The following PLEKHF2 variants were observed in gnomAD, a reference collection of about 807,000 sequenced individuals.
PLEKHF2 encodes pleckstrin homology domain-containing family F member 2.
In PLEKHF2, 4 loss-of-function variants were observed where a neutral mutation model predicts 14.7. The ratio of observed to expected loss-of-function variants is 0.27; its 90% confidence interval spans 0.13 to 0.62. The LOEUF (loss-of-function observed/expected upper bound fraction) is 0.62. Ranked by LOEUF, PLEKHF2 falls within the 20% of genes least tolerant of loss-of-function variation. The pLI, the probability that PLEKHF2 is intolerant of heterozygous loss-of-function variation, is 0.85. For synonymous variants in PLEKHF2, 90 were observed against 103.5 expected, an observed-to-expected ratio of 0.87 and a Z score of 0.79; for missense variants, 201 against 307.7, an observed-to-expected ratio of 0.65 and a Z score of 2.60.
At chr8:95,140,003 T>G (rs1171921244) in intron 1 of PLEKHF2, among the ~76,000 whole-genome samples, 2 of 152,114 alleles carry the variant, frequency 1.3e-5, no homozygotes, top group Non-Finnish European at 2.9e-5. Context: ...AGTCCTCTGC[T>G]CTCGTTTTTC....
intron 1 of PLEKHF2, among the ~76,000 whole-genome samples, chr8:95,145,581 G>A (rs144823663): frequency 1.6e-4 from 25 of 151,764 alleles, no homozygotes; most frequent in Non-Finnish European, 3.2e-4. Context: ...CCACCACCAC[G>A]CCTGGCTAAT....
At chr8:95,153,929 C>G in intron 1 of PLEKHF2, 102 bp from the exon 2 acceptor site, 3 of 910,120 alleles carry the variant, frequency 3.3e-6, no homozygotes, top group Non-Finnish European at 4.5e-6. Flanking sequence ...GAACATTTTG[C>G]CTTTGTGTAA....
At position 95,154,872 on chromosome 8, in the gene PLEKHF2, T is replaced by C. The variant is rs1038537112; in HGVS notation, c.*78T>C. 6.5e-5 allele frequency: 87 copies of C among 1,345,848 alleles called. No individual in the cohort carries two copies. Among genetic ancestry groups the C allele is most frequent in the Non-Finnish European group, 8.6e-5 (86 of 996,598 alleles). The allele number at this position is 1,345,848 out of a possible 1,614,324, so 83.4% of individuals were successfully genotyped here. ...GGGGGAAATGTAAGATTCTGAGCTC[T>C]CTCTCTGTTTTGTTCTAGCCATGAA... is the stretch of plus-strand genomic sequence containing the variant. On this transcript the variant is annotated 3_prime_UTR_variant, in exon 2 of 2. Coordinates refer to ENST00000315367, the MANE Select transcript of PLEKHF2 (RefSeq NM_024613.4). The surrounding 1 kb of genome is among the most constrained non-coding windows in gnomAD (Gnocchi z 5.6).
intron 1 of PLEKHF2, among the ~76,000 whole-genome samples, chr8:95,147,013 T>A (rs1421312809): frequency 6.6e-6 from 1 of 152,040 alleles, no homozygotes; most frequent in Non-Finnish European, 1.5e-5. Context: ...TGTAACTATC[T>A]TACAGAAGAA....
intron 1 of PLEKHF2, among the ~76,000 whole-genome samples, chr8:95,145,224 A>G (rs10104137): frequency 6.6e-6 from 1 of 152,130 alleles, no homozygotes; most frequent in Non-Finnish European, 1.5e-5. Flanking sequence ...GTTTTAATAC[A>G]TTTAAAATTA....
At chr8:95,152,059 AAT>A (rs1284264041) in intron 1 of PLEKHF2, among the ~76,000 whole-genome samples, 1 of 152,120 alleles carries the variant, frequency 6.6e-6, no homozygotes, top group Non-Finnish European at 1.5e-5. Context: ...GTTGCACATA[AAT>A]ATGTCTTAAA....
chr8:95,151,241 A>AC (rs1810559698), intron 1 of PLEKHF2, among the ~76,000 whole-genome samples: 1 of 152,274 alleles, frequency 6.6e-6, no homozygotes, highest in Admixed American at 6.5e-5. Context: ...AATTTATGAT[A>AC]GTATTAATTC....
At chr8:95,143,571 G>A (rs1309715770) in intron 1 of PLEKHF2, among the ~76,000 whole-genome samples, 1 of 152,184 alleles carries the variant, frequency 6.6e-6, no homozygotes, top group Admixed American at 6.5e-5. Flanking sequence ...TGAGGCTATC[G>A]AACTGAGTGT....
Position 95,156,165 on chromosome 8 carries a change from T to A in PLEKHF2, c.*1371T>A, listed in dbSNP as rs575067345. 1 of 167,200 alleles carries A rather than the reference T, an allele frequency of 6.0e-6. No individual in the cohort carries two copies. The highest frequency in any genetic ancestry group is 2.4e-5 in the African/African-American group (1 of 41,588). 10.4% of individuals were successfully genotyped at this position (167,200 alleles called of 1,614,324 possible). On this transcript the variant is annotated 3_prime_UTR_variant, in exon 2 of 2. Coordinates refer to ENST00000315367, the MANE Select transcript of PLEKHF2 (RefSeq NM_024613.4). Reference sequence around the variant, plus strand: ...TGCACTACTCTTTCCATTTATATGCTGCAAACAACTACAGTCTTTGAAATA... The same window carrying A: ...TGCACTACTCTTTCCATTTATATGCAGCAAACAACTACAGTCTTTGAAATA...
rs1372985805 is a variant in PLEKHF2, at chr8:95,154,420, A to G, written c.376A>G (p.Ile126Val). 6.2e-7 allele frequency: 1 copy of G among 1,614,034 alleles called. No homozygotes were observed. The highest frequency in any genetic ancestry group is 8.5e-7 in the Non-Finnish European group (1 of 1,179,988). The part of the protein sequence containing the change: ...ATEKSEWMNH[I>V]NKCVTDLLSK... ...GGAGAAATCAGAATGGATGAATCAT[A>G]TAAATAAATGTGTTACTGATTTACT... The change falls in exon 2 of 2, where the codon ATA becomes GTA. Residue 126 changes from isoleucine to valine, a missense_variant. Coordinates refer to ENST00000315367, the MANE Select transcript of PLEKHF2 (RefSeq NM_024613.4). This position sits in a 1 kb window ranked among gnomAD's most constrained non-coding sequence, Gnocchi z 5.6.
At chr8:95,147,284 C>T (rs1035158204) in intron 1 of PLEKHF2, among the ~76,000 whole-genome samples, 2 of 151,984 alleles carry the variant, frequency 1.3e-5, no homozygotes, top group African/African-American at 2.4e-5. Flanking sequence ...CTGCATACCC[C>T]AGACCAATAA....
At chr8:95,139,322 A>G (rs1208509129) in intron 1 of PLEKHF2, among the ~76,000 whole-genome samples, 1 of 152,206 alleles carries the variant, frequency 6.6e-6, no homozygotes, top group Non-Finnish European at 1.5e-5. Flanking sequence ...CAGCCTGGGC[A>G]ACATGGCAAA....
At chr8:95,143,134 C>G (rs1371272038) in intron 1 of PLEKHF2, among the ~76,000 whole-genome samples, 1 of 146,372 alleles carries the variant, frequency 6.8e-6, no homozygotes, top group African/African-American at 2.6e-5. Context: ...GAGTCTCGCT[C>G]TGTCGCCCAG....
In PLEKHF2 at chr8:95,156,000, A is replaced by G. The variant is rs1810614763; in HGVS notation, c.*1206A>G. On this transcript the variant is annotated 3_prime_UTR_variant, in exon 2 of 2. Coordinates refer to ENST00000315367, the MANE Select transcript of PLEKHF2 (RefSeq NM_024613.4). ...TGAAATCATTTTGCAATCTATGGAA[A>G]TAGAGTAGCAATTGCTATTTCTAAA... The G allele has an allele frequency of 6.0e-6, 1 of 167,088 alleles. No homozygotes were observed. The highest frequency in any genetic ancestry group is 2.1e-4 in the South Asian group (1 of 4,836). 10.4% of individuals were successfully genotyped at this position (167,088 alleles called of 1,614,324 possible).
chr8:95,146,749 C>CT (rs1270504988), intron 1 of PLEKHF2, among the ~76,000 whole-genome samples: 1 of 151,610 alleles, frequency 6.6e-6, no homozygotes, highest in Admixed American at 6.6e-5. Flanking sequence ...TGCTTCTGCT[C>CT]TAATTTTTAC....
At position 95,155,227 on chromosome 8, in the gene PLEKHF2, A is replaced by G. The variant is rs1331737432; in HGVS notation, c.*433A>G. ...CATCCTGTCTAATGGTTAAGACACC[A>G]GTAACAAAAACACATGATTTGGAAA... On this transcript the variant is annotated 3_prime_UTR_variant, in exon 2 of 2. Transcript: ENST00000315367. The G allele has an allele frequency of 5.6e-6, 1 of 178,646 alleles. No homozygotes were observed. The highest frequency in any genetic ancestry group is 1.4e-5 in the Non-Finnish European group (1 of 74,036). 11.1% of individuals were successfully genotyped at this position (178,646 alleles called of 1,614,324 possible). A position where few individuals can be genotyped will look rare whatever the true frequency, so the allele number is the denominator to read the frequency against.
chr8:95,153,036 T>G (rs917017215), intron 1 of PLEKHF2, among the ~76,000 whole-genome samples: 1 of 152,196 alleles, frequency 6.6e-6, no homozygotes, highest in Non-Finnish European at 1.5e-5. Context: ...ATTGTTAAAA[T>G]GTTATTAACA....
At chr8:95,140,060 C>G (rs976560101) in intron 1 of PLEKHF2, among the ~76,000 whole-genome samples, 4 of 152,190 alleles carry the variant, frequency 2.6e-5, no homozygotes, top group African/African-American at 7.2e-5. Context: ...CCAAATCTCT[C>G]TGTCCTGGAG....
chr8:95,151,040 G>A (rs1171427786), intron 1 of PLEKHF2, among the ~76,000 whole-genome samples: 1 of 152,130 alleles, frequency 6.6e-6, no homozygotes, highest in African/African-American at 2.4e-5. Flanking sequence ...GACTCCCTAT[G>A]AGTAGAGTTC....
Sources: gnomAD v4.1 joint callset for allele counts (sites outside exome capture counted in the v4.1 genomes callset) on GRCh38, gnomAD v4.1.1 for gene constraint, Gnocchi (gnomAD v3.1) non-coding constraint, MANE v1.5 for transcripts, NCBI Gene and HGNC (gene_info 2026-07-23, HGNC 2026-07-21) for gene names.